GABRB3: variants seen among roughly 807,000 people sequenced by gnomAD.
GABRB3 encodes the protein gamma-aminobutyric acid receptor subunit beta-3.
Under a neutral mutation model 52.1 loss-of-function variants are expected in GABRB3, and 14 were observed. The observed-to-expected ratio is 0.27, with a 90% CI of 0.18 to 0.42. The LOEUF is 0.42. GABRB3 is among the 10% of genes least tolerant of loss of function. The pLI is 1.00. For missense variants in GABRB3, 307 were observed against 609.1 expected (o/e 0.50, Z 5.22); for synonymous variants, 260 against 232.3 (o/e 1.12, Z -1.08).
chr15:26,667,429 C>A (rs935498680), intron 3 of GABRB3, among the ~76,000 whole-genome samples: 12 of 152,178 alleles, frequency 7.9e-5, no homozygotes, highest in African/African-American at 2.9e-4. Context: ...ACCAGAAGAA[C>A]CAGTTCAGGA....
Position 26,566,810 on chromosome 15 carries a change from T to C in GABRB3, c.835+771A>G, listed in dbSNP as rs147345808. 9.1e-3 allele frequency among the ~76,000 whole-genome samples: 1,384 copies of C among 152,274 alleles called. 12 individuals are homozygous for C. Among genetic ancestry groups the C allele is most frequent in the Middle Eastern group, 0.027 (8 of 294 alleles). ...TTTTGTAAGGTACTTTGCCAGATAA[T>C]GTGTTGATAATTCTTTTCCATCAAT... On this transcript the variant is annotated intron_variant, in intron 7 of 8. Coordinates refer to ENST00000311550, the MANE Select transcript of GABRB3 (RefSeq NM_000814.6).
intron 3 of GABRB3, among the ~76,000 whole-genome samples, chr15:26,628,681 AC>A (rs1385939901): frequency 8.3e-5 from 12 of 145,050 alleles, no homozygotes; most frequent in South Asian, 4.5e-4. Context: ...CGCAAAAAAA[AC>A]AAAAAAACAA....
chr15:26,695,094 T>C (rs556647961), intron 3 of GABRB3, among the ~76,000 whole-genome samples: 4 of 152,140 alleles, frequency 2.6e-5, no homozygotes, highest in Non-Finnish European at 5.9e-5. Context: ...TATGTAATGG[T>C]AATAACAGAA....
intron 3 of GABRB3, among the ~76,000 whole-genome samples, chr15:26,643,002 A>G (rs1408060136): frequency 6.6e-6 from 1 of 151,768 alleles, no homozygotes; most frequent in African/African-American, 2.4e-5. Flanking sequence ...TCACCATCTC[A>G]CAAGTCTTTC....
intron 3 of GABRB3, among the ~76,000 whole-genome samples, chr15:26,717,256 G>A (rs766101516): frequency 1.2e-4 from 18 of 148,634 alleles, no homozygotes; most frequent in Non-Finnish European, 2.4e-4. Context: ...CCCTATGACA[G>A]CCCAGCTCTG....
At chr15:26,604,917 G>A (rs1001773827) in intron 4 of GABRB3, among the ~76,000 whole-genome samples, 1 of 152,060 alleles carries the variant, frequency 6.6e-6, no homozygotes, top group African/African-American at 2.4e-5. Context: ...AGGGACAAAT[G>A]GGATCACATC....
At chr15:26,598,445 G>T (rs1657979266) in intron 4 of GABRB3, among the ~76,000 whole-genome samples, 1 of 152,034 alleles carries the variant, frequency 6.6e-6, no homozygotes, top group South Asian at 2.1e-4. Context: ...AGATCAAATA[G>T]CCACTGTCTA....
intron 3 of GABRB3, among the ~76,000 whole-genome samples, chr15:26,721,193 T>C (rs1218069528): frequency 1.3e-5 from 2 of 152,112 alleles, no homozygotes; most frequent in Admixed American, 6.5e-5. Context: ...GTCCAGAATA[T>C]GCCACCCCAA....
At chr15:26,706,864 A>C (rs1040031138) in intron 3 of GABRB3, among the ~76,000 whole-genome samples, 5 of 152,204 alleles carry the variant, frequency 3.3e-5, no homozygotes, top group African/African-American at 1.2e-4. Flanking sequence ...TCAGCCTCCC[A>C]GCCATCTTCC....
intron 3 of GABRB3, among the ~76,000 whole-genome samples, chr15:26,659,975 C>A (rs1254597784): frequency 3.3e-5 from 5 of 152,048 alleles, no homozygotes; most frequent in Non-Finnish European, 5.9e-5. Flanking sequence ...TTCACACCCG[C>A]AATCCCAGAA....
chr15:26,697,845 ATT>A (rs1161059845), intron 3 of GABRB3, among the ~76,000 whole-genome samples: 1 of 152,158 alleles, frequency 6.6e-6, no homozygotes, highest in East Asian at 1.9e-4. Context: ...CTGTGCTCTC[ATT>A]TGTTTCTCCA....
intron 8 of GABRB3, among the ~76,000 whole-genome samples, chr15:26,556,091 T>C (rs1889741198): frequency 6.6e-6 from 1 of 152,338 alleles, no homozygotes; most frequent in East Asian, 1.9e-4. Context: ...GAATGACAGA[T>C]GACTTGCAAT....
At chr15:26,693,614 G>A (rs1020692611) in intron 3 of GABRB3, among the ~76,000 whole-genome samples, 3 of 152,076 alleles carry the variant, frequency 2.0e-5, no homozygotes, top group African/African-American at 4.8e-5. Flanking sequence ...AGAAAAAAAA[G>A]CTGAACAAAC....
chr15:26,751,847 A>G (rs1386883023), intron 3 of GABRB3, among the ~76,000 whole-genome samples: 1 of 151,952 alleles, frequency 6.6e-6, no homozygotes, highest in Admixed American at 6.5e-5. Context: ...GCACCACACT[A>G]GTAAAGTAGA....
intron 3 of GABRB3, among the ~76,000 whole-genome samples, chr15:26,676,928 T>C (rs1288948623): frequency 2.0e-5 from 3 of 152,216 alleles, no homozygotes; most frequent in Non-Finnish European, 4.4e-5. Context: ...TAAAAATCTA[T>C]TTTAGCAATA....
intron 6 of GABRB3, among the ~76,000 whole-genome samples, chr15:26,572,627 T>A (rs1049894008): frequency 2.0e-5 from 3 of 152,206 alleles, no homozygotes; most frequent in African/African-American, 7.2e-5. Flanking sequence ...ATGCGGTATC[T>A]ATGTGGAAAA....
chr15:26,565,806 C>T (rs1890149930), intron 7 of GABRB3, among the ~76,000 whole-genome samples: 1 of 152,140 alleles, frequency 6.6e-6, no homozygotes, highest in Non-Finnish European at 1.5e-5. Context: ...CTAACTATCG[C>T]AGTGACGGCA....
At chr15:26,587,370 G>C (rs899596391) in intron 4 of GABRB3, among the ~76,000 whole-genome samples, 1 of 152,142 alleles carries the variant, frequency 6.6e-6, no homozygotes, top group Admixed American at 6.5e-5. Flanking sequence ...TGCTCATGCG[G>C]CAAAAGGTAA....
At chr15:26,772,657 A>G in intron 2 of GABRB3, 24 bp downstream of exon 2, 1 of 1,538,764 alleles carries the variant, frequency 6.5e-7, no homozygotes, top group Non-Finnish European at 8.8e-7. Flanking sequence ...CGCTTCCCGC[A>G]ACGGCCGCGC....
Sources: allele counts gnomAD v4.1 joint callset (sites outside exome capture counted in the v4.1 genomes callset), GRCh38; gene constraint gnomAD v4.1.1; transcripts MANE v1.5; gene names NCBI Gene and HGNC (gene_info 2026-07-23, HGNC 2026-07-21).